ARB2A: variants seen among roughly 807,000 people sequenced by gnomAD.
ARB2A encodes the protein ARB2 cotranscriptional regulator A, also known as cotranscriptional regulator ARB2A.
chr5:93,644,198 C>T, the ARB2A span, among the ~76,000 whole-genome samples: 22 of 152,292 alleles, frequency 1.4e-4, no homozygotes, highest in Admixed American at 2.6e-4. Context: ...CTCTTATCTA[C>T]AGCATAGGGC....
the ARB2A span, among the ~76,000 whole-genome samples, chr5:93,710,449 C>A: frequency 2.8e-4 from 42 of 152,234 alleles, no homozygotes; most frequent in African/African-American, 7.9e-4. Flanking sequence ...AAAATGATGA[C>A]TGAATCATGT....
At chr5:93,934,319 C>T in the ARB2A span, among the ~76,000 whole-genome samples, 2,572 of 152,146 alleles carry the variant, frequency 0.017, 27 homozygotes, top group Non-Finnish European at 0.027. Flanking sequence ...CAAATTTCGA[C>T]GAAGAAAATA....
chr5:94,036,667 T>C, the ARB2A span, among the ~76,000 whole-genome samples: 5 of 152,310 alleles, frequency 3.3e-5, no homozygotes, highest in South Asian at 2.1e-4. Context: ...TTTGGGTTTT[T>C]TGTTTTGTTC....
chr5:93,753,678 T>G, the ARB2A span, among the ~76,000 whole-genome samples: 1 of 152,222 alleles, frequency 6.6e-6, no homozygotes, highest in Non-Finnish European at 1.5e-5. Context: ...CTGTATTCTG[T>G]TATCTTTCTA....
At chr5:93,889,545 C>T in the ARB2A span, among the ~76,000 whole-genome samples, 3 of 151,806 alleles carry the variant, frequency 2.0e-5, no homozygotes, top group Non-Finnish European at 2.9e-5. Flanking sequence ...ATATGCAAAA[C>T]ATGATGTCAC....
At chr5:94,049,482 G>C in the ARB2A span, among the ~76,000 whole-genome samples, 1 of 152,196 alleles carries the variant, frequency 6.6e-6, no homozygotes. Flanking sequence ...CGGATGACTT[G>C]AGGTCAGGAG....
the ARB2A span, among the ~76,000 whole-genome samples, chr5:93,725,415 ACAGAAAAT>A: frequency 9.9e-5 from 15 of 152,104 alleles, no homozygotes; most frequent in Non-Finnish European, 8.8e-5. Flanking sequence ...GAAATGAAAA[ACAGAAAAT>A]CAGAACTGCG....
chr5:93,827,545 T>C, the ARB2A span, among the ~76,000 whole-genome samples: 1 of 152,162 alleles, frequency 6.6e-6, no homozygotes, highest in Non-Finnish European at 1.5e-5. Context: ...ATTCTGTAGG[T>C]TGTCTGTTCA....
At chr5:93,938,569 G>T in the ARB2A span, among the ~76,000 whole-genome samples, 1 of 152,126 alleles carries the variant, frequency 6.6e-6, no homozygotes, top group African/African-American at 2.4e-5. Flanking sequence ...GCATGAAAAA[G>T]CAACAGCATT....
the ARB2A span, among the ~76,000 whole-genome samples, chr5:93,830,454 G>A: frequency 2.0e-5 from 3 of 150,890 alleles, no homozygotes; most frequent in South Asian, 6.3e-4. Context: ...ATAAGTTAGA[G>A]GTATTAACAC....
At chr5:93,698,420 G>A in the ARB2A span, among the ~76,000 whole-genome samples, 2 of 152,016 alleles carry the variant, frequency 1.3e-5, no homozygotes, top group African/African-American at 4.8e-5. Flanking sequence ...AATATATACA[G>A]GGCTAGACTG....
At chr5:93,809,997 G>T in the ARB2A span, among the ~76,000 whole-genome samples, 1 of 152,000 alleles carries the variant, frequency 6.6e-6, no homozygotes, top group Non-Finnish European at 1.5e-5. Flanking sequence ...TGTATTTTTT[G>T]AGATCAATTG....
chr5:93,870,407 C>G, the ARB2A span, among the ~76,000 whole-genome samples: 1 of 152,234 alleles, frequency 6.6e-6, no homozygotes, highest in Non-Finnish European at 1.5e-5. Flanking sequence ...AACAGGCCAA[C>G]TGAAATATGG....
At chr5:93,938,790 G>GA in the ARB2A span, among the ~76,000 whole-genome samples, 3 of 151,960 alleles carry the variant, frequency 2.0e-5, no homozygotes, top group African/African-American at 2.4e-5. Context: ...TAATTTCCAG[G>GA]AAAAAAGGCA....
the ARB2A span, among the ~76,000 whole-genome samples, chr5:93,917,247 AC>A: frequency 6.6e-6 from 1 of 152,274 alleles, no homozygotes; most frequent in Non-Finnish European, 1.5e-5. Context: ...TGATATTGCT[AC>A]AGTGCAGTAC....
chr5:94,045,744 A>AT, the ARB2A span, among the ~76,000 whole-genome samples: 1 of 152,200 alleles, frequency 6.6e-6, no homozygotes, highest in Admixed American at 6.5e-5. Flanking sequence ...AAAAACATGT[A>AT]TTTTTTAAAA....
the ARB2A span, among the ~76,000 whole-genome samples, chr5:93,670,426 C>A: frequency 6.6e-6 from 1 of 152,334 alleles, no homozygotes; most frequent in Admixed American, 6.5e-5. Context: ...GTTCCTTCAA[C>A]AGGAGCAGCC....
chr5:93,857,732 G>A, the ARB2A span, among the ~76,000 whole-genome samples: 35 of 152,276 alleles, frequency 2.3e-4, no homozygotes, highest in Non-Finnish European at 4.0e-4. Flanking sequence ...GACCCCTTGC[G>A]CTTCCCGAGT....
At chr5:93,621,212 G>C in the ARB2A span, 4 of 1,341,942 alleles carry the variant, frequency 3.0e-6, no homozygotes, top group Non-Finnish European at 3.9e-6. Flanking sequence ...GCCGAGCCCC[G>C]GCTCCCGACC....
Sources: allele counts gnomAD v4.1 joint callset (sites outside exome capture counted in the v4.1 genomes callset), GRCh38; gene constraint gnomAD v4.1.1; transcripts MANE v1.5; gene names NCBI Gene and HGNC (gene_info 2026-07-23, HGNC 2026-07-21).